Variants in MS4A18 observed in about 807,000 individuals in gnomAD.
The protein encoded by MS4A18 is membrane spanning 4-domains A18.
In MS4A18, 27 loss-of-function variants were observed where a neutral mutation model predicts 13.1. The observed-to-expected ratio is 2.06, with a 90% CI of 1.52 to 2.84. The LOEUF (loss-of-function observed/expected upper bound fraction) is 2.84, where lower values mean the gene tolerates loss of function less well. Among genes scored for constraint, MS4A18 ranks in the 30% most tolerant of loss-of-function variants. MS4A18 has a pLI of 0.00. For synonymous variants in MS4A18, 126 were observed against 76.5 expected (o/e 1.65, Z -3.38); for missense variants, 307 against 196.4 (o/e 1.56, Z -3.37).
chr11:60,744,640 AT>A (rs1270517564), downstream of MS4A18, among the ~76,000 whole-genome samples: 2 of 152,238 alleles, frequency 1.3e-5, no homozygotes, highest in Admixed American at 1.3e-4. Flanking sequence ...TGTTTCCACA[AT>A]ATATAAAGAA....
chr11:60,735,661 CTTTTT>C (rs1167113182), intron 2 of MS4A18, among the ~76,000 whole-genome samples: 7 of 90,108 alleles, frequency 7.8e-5, no homozygotes, highest in African/African-American at 3.5e-4. Context: ...CATTCCCTTG[CTTTTT>C]TTTTTTTTTT....
At chr11:60,734,239 G>C (rs1318563228) in intron 2 of MS4A18, among the ~76,000 whole-genome samples, 3 of 152,138 alleles carry the variant, frequency 2.0e-5, no homozygotes, top group African/African-American at 7.2e-5. Flanking sequence ...CTGGGTAACA[G>C]AGTGAGAGCC....
chr11:60,728,430 GTA>G (rs1302367023), upstream of MS4A18, among the ~76,000 whole-genome samples: 1 of 148,284 alleles, frequency 6.7e-6, no homozygotes, highest in Non-Finnish European at 1.5e-5. Context: ...GTGTGTGTGT[GTA>G]TCTGTGTGTG....
intron 4 of MS4A18, among the ~76,000 whole-genome samples, chr11:60,739,395 C>A (rs923273427): frequency 6.6e-6 from 1 of 152,024 alleles, no homozygotes; most frequent in African/African-American, 2.4e-5. Flanking sequence ...TCTTTTGGTG[C>A]GGGGACCTCC....
At chr11:60,736,090 C>T (rs1321965285) in intron 2 of MS4A18, among the ~76,000 whole-genome samples, 1 of 152,046 alleles carries the variant, frequency 6.6e-6, no homozygotes, top group Non-Finnish European at 1.5e-5. Flanking sequence ...GGCTCTTTTC[C>T]CCCACTGGCC....
intron 5 of MS4A18, among the ~76,000 whole-genome samples, chr11:60,743,422 G>C (rs1853435499): frequency 6.6e-6 from 1 of 152,198 alleles, no homozygotes; most frequent in Non-Finnish European, 1.5e-5. Flanking sequence ...CAGTCTTTAT[G>C]TTCAGTGTTC....
At chr11:60,727,196 A>G (rs1853174420), upstream of MS4A18, among the ~76,000 whole-genome samples, 2 of 152,136 alleles carry the variant, frequency 1.3e-5, no homozygotes, top group Non-Finnish European at 2.9e-5. Context: ...AGACTTTGCT[A>G]AACAATGGCC....
chr11:60,729,873 G>A, intron 1 of MS4A18, 87 bp downstream of exon 2: 1 of 625,570 alleles, frequency 1.6e-6, no homozygotes, highest in Non-Finnish European at 2.9e-6. Flanking sequence ...AATGTGTTGA[G>A]AGGGTAAAGG....
rs1264654907 is a variant in MS4A18, at chr11:60,729,873, G to C, written c.477+81G>C. ...TGGGATGAGGAAGGGAATGTGTTGA[G>C]AGGGTAAAGGGGAGGTGGAGTGGGT... is the stretch of plus-strand genomic sequence containing the variant. On this transcript the variant is annotated intron_variant, in intron 1 of 5. Transcript: ENST00000529108. 6 of 625,570 alleles carry C rather than the reference G, an allele frequency of 9.6e-6. No individual in the cohort carries two copies. In the East Asian group the frequency reaches 1.6e-4, roughly 17 times the overall value. 38.8% of individuals were successfully genotyped at this position (625,570 alleles called of 1,614,324 possible).
At position 60,743,740 on chromosome 11, in the gene MS4A18, G is replaced by T. The variant is rs1276108381; in HGVS notation, c.949G>T (p.Ala317Ser). ...TGCTACCACTGGTCCTGTCAATGCT[G>T]CCACTGGCCCTGTCAGTGCCACCAA... The change falls in exon 6 of 6, where the codon GCC becomes TCC. Residue 317 changes from alanine (A) to serine (S), a missense_variant. Coordinates refer to ENST00000529108, the Ensembl canonical transcript of MS4A18. 8 of 700,882 alleles carry T rather than the reference G, an allele frequency of 1.1e-5. No individual in the cohort carries two copies. In the African/African-American group the frequency reaches 1.2e-4, roughly 11 times the overall value. The allele number at this position is 700,882 out of a possible 1,614,324, so 43.4% of individuals were successfully genotyped here.
At position 60,741,689 on chromosome 11, in the gene MS4A18, A is replaced by G. The variant is rs947384460; in HGVS notation, c.858+546A>G. Among the ~76,000 whole-genome samples the G allele has an allele frequency of 1.9e-4, 29 of 152,226 alleles. 1 individual carries two copies. Among genetic ancestry groups the G allele is most frequent in the African/African-American group, 6.7e-4 (28 of 41,526 alleles). On this transcript the variant is annotated intron_variant, in intron 5 of 5. Transcript: ENST00000529108. ...CTACAAAGTCACCCAGCAAAGGTTAATGAATATAAGGATTTGTAACCAGTA... is the reference window on the plus strand; with the variant it reads ...CTACAAAGTCACCCAGCAAAGGTTAGTGAATATAAGGATTTGTAACCAGTA...
intron 2 of MS4A18, 116 bp downstream of exon 3, chr11:60,733,763 C>A (rs1565059774): frequency 3.0e-6 from 2 of 677,286 alleles, no homozygotes; most frequent in Non-Finnish European, 5.4e-6. Context: ...TAGACTAGAG[C>A]CAGCCTCCAA....
chr11:60,728,724 C>G (rs963611356), upstream of MS4A18, among the ~76,000 whole-genome samples: 62 of 151,854 alleles, frequency 4.1e-4, no homozygotes, highest in African/African-American at 1.4e-3. Context: ...CCCTCTCTCT[C>G]TCCTTCTCTC....
chr11:60,737,078 T>C, intron 3 of MS4A18, 44 bp downstream of exon 4: 1 of 700,980 alleles, frequency 1.4e-6, no homozygotes, highest in Non-Finnish European at 2.6e-6. Flanking sequence ...ATGTTAGAAT[T>C]TGACTCTCTA....
At chr11:60,739,818 C>T (rs547215590) in intron 4 of MS4A18, among the ~76,000 whole-genome samples, 2 of 152,310 alleles carry the variant, frequency 1.3e-5, no homozygotes, top group African/African-American at 2.4e-5. Context: ...TGACACAGTA[C>T]TTGAGGAGGC....
chr11:60,731,039 A>G lies in MS4A18; in HGVS notation c.477+1247A>G, dbSNP rs955908869. On this transcript the variant is annotated intron_variant, in intron 1 of 5. Coordinates refer to ENST00000529108, the Ensembl canonical transcript of MS4A18. ...AACCCGGGAGGCAGAGCTTGCAGTG[A>G]GCCGAGACAGCGCCACTGCACTCCA... Among the ~76,000 whole-genome samples, 12 of 152,152 alleles carry G rather than the reference A, an allele frequency of 7.9e-5. No homozygotes were observed. In the East Asian group the frequency reaches 2.3e-3, roughly 29 times the overall value.
upstream of MS4A18, among the ~76,000 whole-genome samples, chr11:60,727,212 C>T (rs1357122526): frequency 6.6e-6 from 1 of 152,184 alleles, no homozygotes; most frequent in Non-Finnish European, 1.5e-5. Flanking sequence ...TGGCCCTTCT[C>T]TTATGGGTGG....
intron 1 of MS4A18, among the ~76,000 whole-genome samples, chr11:60,731,403 T>C (rs1439727452): frequency 6.6e-6 from 1 of 152,188 alleles, no homozygotes; most frequent in African/African-American, 2.4e-5. Context: ...CAGACTATCT[T>C]TAATCAATTA....
rs1853349834 is a variant in MS4A18, at chr11:60,736,967, T to TG, written c.592-10dup. On this transcript the variant is annotated splice_polypyrimidine_tract_variant and intron_variant, in intron 2 of 5. Transcript: ENST00000529108. ...TTGGTCATTCTTTTTTTTTTTTTTTTGTCTGCGTAGTATATTGTATCTGGA... is the reference window on the plus strand; with the variant it reads ...TTGGTCATTCTTTTTTTTTTTTTTTTGGTCTGCGTAGTATATTGTATCTGGA... 2 of 680,576 alleles carry TG rather than the reference T, an allele frequency of 2.9e-6. No homozygotes were observed. Among genetic ancestry groups the TG allele is most frequent in the African/African-American group, 3.7e-5 (2 of 54,154 alleles). 42.2% of individuals were successfully genotyped at this position (680,576 alleles called of 1,614,324 possible).
Sources: gnomAD v4.1 joint callset for allele counts (sites outside exome capture counted in the v4.1 genomes callset) on GRCh38, gnomAD v4.1.1 for gene constraint, MANE v1.5 for transcripts, NCBI Gene and HGNC (gene_info 2026-07-23, HGNC 2026-07-21) for gene names.